The following ADAM22 variants were observed in gnomAD, a reference collection of about 807,000 sequenced individuals.
ADAM22 encodes ADAM metallopeptidase domain 22, also known as disintegrin and metalloproteinase domain-containing protein 22.
ADAM22 carries 65 observed loss-of-function variants against 144.6 expected under a neutral mutation model. The observed-to-expected ratio is 0.45, with a 90% CI of 0.37 to 0.55. The LOEUF is 0.55. Ranked by LOEUF, ADAM22 falls within the 20% of genes least tolerant of loss-of-function variation. ADAM22 has a pLI of 0.00. For synonymous variants in ADAM22, 391 were observed against 412.6 expected (o/e 0.95, Z 0.63); for missense variants, 974 against 1,184.9 (o/e 0.82, Z 2.61).
At chr7:88,145,379 G>A (rs370413960) in intron 16 of ADAM22, 36 bp from the exon 17 acceptor site, 411 of 1,561,900 alleles carry the variant, frequency 2.6e-4, no homozygotes, top group Non-Finnish European at 3.3e-4. Context: ...AAGTGACACC[G>A]TTTTCTGATG....
chr7:87,972,399 G>C (rs1273900722), intron 2 of ADAM22, among the ~76,000 whole-genome samples: 3 of 151,828 alleles, frequency 2.0e-5, no homozygotes, highest in Non-Finnish European at 4.4e-5. Flanking sequence ...CCTCTTCAAG[G>C]AGAACTACAA....
intron 4 of ADAM22, among the ~76,000 whole-genome samples, chr7:88,077,208 A>C (rs1398834725): frequency 6.6e-6 from 1 of 152,212 alleles, no homozygotes. Flanking sequence ...TTAAACTGTT[A>C]TCAGTAACCA....
In ADAM22 at chr7:88,196,463, T is replaced by C; in HGVS notation, c.2875-8T>C. On this transcript the variant is annotated splice_polypyrimidine_tract_variant and splice_region_variant and intron_variant, in intron 31 of 31. Coordinates refer to ENST00000413139, the MANE Select transcript of ADAM22 (RefSeq NM_001324418.2). Reference sequence around the variant, plus strand: ...CAATGTGCAATTTTGCTCTTTTCTGTTGTGCAGCTATGGGAGACATCCATT... The same window carrying C: ...CAATGTGCAATTTTGCTCTTTTCTGCTGTGCAGCTATGGGAGACATCCATT... 6.2e-7 allele frequency: 1 copy of C among 1,614,142 alleles called. No individual in the cohort carries two copies. The highest frequency in any genetic ancestry group is 2.2e-5 in the East Asian group (1 of 44,864).
Position 88,131,393 on chromosome 7 carries a change from G to A in ADAM22, c.950G>A (p.Arg317Lys), listed in dbSNP as rs1195117407. 6 of 1,613,684 alleles carry A rather than the reference G, an allele frequency of 3.7e-6. No homozygotes were observed. The highest frequency in any genetic ancestry group is 4.2e-6 in the Non-Finnish European group (5 of 1,179,814). The part of the protein sequence containing the change: ...ITLREFMKYR[R>K]DFIKEKSDAV... ...CTACGTGAGTTTATGAAATACAGGA[G>A]GGATTTTATCAAAGAGAAAAGTGAT... The change falls in exon 11 of 32, where the codon AGG (arginine) becomes AAG (lysine). Residue 317 changes from arginine (R) to lysine (K), a missense_variant. Coordinates refer to ENST00000413139, the MANE Select transcript of ADAM22 (RefSeq NM_001324418.2).
intron 3 of ADAM22, among the ~76,000 whole-genome samples, chr7:87,980,796 C>T (rs1213042217): frequency 2.0e-5 from 3 of 151,840 alleles, no homozygotes; most frequent in Non-Finnish European, 1.5e-5. Context: ...TCTTTTTTGT[C>T]AAAATTATCA....
intron 14 of ADAM22, among the ~76,000 whole-genome samples, chr7:88,140,085 A>G (rs1285844702): frequency 6.6e-6 from 1 of 152,080 alleles, no homozygotes; most frequent in East Asian, 1.9e-4. Flanking sequence ...GAGAGGGAGC[A>G]GGGGAGAAGG....
chr7:88,168,565 TTCAAACA>T (rs1843459798), intron 25 of ADAM22, among the ~76,000 whole-genome samples: 1 of 152,168 alleles, frequency 6.6e-6, no homozygotes, highest in African/African-American at 2.4e-5. Context: ...AGTAAAGGCC[TTCAAACA>T]TTGTAAACTT....
At chr7:88,109,719 G>C (rs1825496352) in intron 5 of ADAM22, among the ~76,000 whole-genome samples, 1 of 147,260 alleles carries the variant, frequency 6.8e-6, no homozygotes, top group African/African-American at 2.5e-5. Flanking sequence ...CTTTTTTTTT[G>C]AGAGAGAGAG....
At chr7:88,185,364 C>T (rs983679945) in intron 29 of ADAM22, among the ~76,000 whole-genome samples, 7 of 152,022 alleles carry the variant, frequency 4.6e-5, no homozygotes, top group Non-Finnish European at 7.4e-5. Flanking sequence ...GAAAAAATAA[C>T]CTGATATTTT....
intron 2 of ADAM22, among the ~76,000 whole-genome samples, chr7:87,950,984 T>C (rs976485603): frequency 1.3e-5 from 2 of 152,052 alleles, no homozygotes; most frequent in Admixed American, 6.6e-5. Flanking sequence ...TTTGATGGGG[T>C]TGTTTGTTTT....
At chr7:88,181,427 T>G (rs1846992848) in intron 27 of ADAM22, 78 bp from the exon 28 acceptor site, 5 of 1,168,412 alleles carry the variant, frequency 4.3e-6, no homozygotes, top group East Asian at 4.9e-5. Flanking sequence ...ACAGTAATGC[T>G]TAGAAGTTTT....
At chr7:88,063,671 A>T (rs1810469782) in intron 3 of ADAM22, among the ~76,000 whole-genome samples, 1 of 152,212 alleles carries the variant, frequency 6.6e-6, no homozygotes, top group South Asian at 2.1e-4. Flanking sequence ...TACAATTTTG[A>T]TGTTTTAGAA....
intron 7 of ADAM22, among the ~76,000 whole-genome samples, chr7:88,119,364 C>T (rs1828648806): frequency 6.6e-6 from 1 of 152,216 alleles, no homozygotes; most frequent in South Asian, 2.1e-4. Flanking sequence ...GAACTTTATA[C>T]AGATGGAATC....
intron 24 of ADAM22, among the ~76,000 whole-genome samples, chr7:88,166,586 C>A (rs1431248333): frequency 6.6e-6 from 1 of 152,038 alleles, no homozygotes; most frequent in East Asian, 1.9e-4. Flanking sequence ...ATTGAGTATT[C>A]TTTTATACAA....
chr7:88,168,806 A>G (rs575910508), intron 25 of ADAM22, among the ~76,000 whole-genome samples: 1 of 152,234 alleles, frequency 6.6e-6, no homozygotes, highest in East Asian at 1.9e-4. Flanking sequence ...ATCCTTGATG[A>G]TGATGTTCCA....
Position 88,163,159 on chromosome 7 carries a change from C to T in ADAM22, c.2055C>T (p.Gly685=), listed in dbSNP as rs746927909. The T allele has an allele frequency of 8.7e-6, 14 of 1,606,156 alleles. No homozygotes were observed. The highest frequency in any genetic ancestry group is 1.2e-5 in the Non-Finnish European group (14 of 1,177,206). The stretch of plus-strand genomic sequence containing the variant: ...GTACTTGCTTGAGCAGTAAAGAAGG[C>T]ACTATTTGCTCAGGAAATGGAGTAA... ...NFSTCLSSKE[G]TICSGNGVCS... is the part of the protein sequence containing the mutation. Residue 685 remains glycine, a synonymous_variant, in exon 23 of 32, where the codon GGC becomes GGT. Coordinates refer to ENST00000413139, the MANE Select transcript of ADAM22 (RefSeq NM_001324418.2).
chr7:88,145,333 A>C (rs983209937), intron 16 of ADAM22, 82 bp from the exon 17 acceptor site: 2 of 1,490,790 alleles, frequency 1.3e-6, no homozygotes, highest in African/African-American at 1.4e-5. Context: ...GTGAGTTTGT[A>C]CATTTATTTT....
chr7:88,200,847 A>T lies in ADAM22; in HGVS notation c.*4356A>T, dbSNP rs1851152836. The stretch of plus-strand genomic sequence containing the variant: ...AGCAACTTTTCTCCTGGCATGGAAG[A>T]ACTAAGGACTTTGATAAACAGTTTC... On this transcript the variant is annotated 3_prime_UTR_variant, in exon 32 of 32. Coordinates refer to ENST00000413139, the MANE Select transcript of ADAM22 (RefSeq NM_001324418.2). 6.6e-6 allele frequency: 1 copy of T among 152,264 alleles called. No homozygotes were observed. The highest frequency in any genetic ancestry group is 6.5e-5 in the Admixed American group (1 of 15,284). 9.4% of individuals were successfully genotyped at this position (152,264 alleles called of 1,614,324 possible).
At chr7:88,089,348 T>C (rs1432110137) in intron 4 of ADAM22, among the ~76,000 whole-genome samples, 3 of 152,160 alleles carry the variant, frequency 2.0e-5, no homozygotes, top group Admixed American at 1.3e-4. Flanking sequence ...TACCCTTGCA[T>C]CAATGATGAA....
Sources: allele counts gnomAD v4.1 joint callset (sites outside exome capture counted in the v4.1 genomes callset), GRCh38; gene constraint gnomAD v4.1.1; transcripts MANE v1.5; gene names NCBI Gene and HGNC (gene_info 2026-07-23, HGNC 2026-07-21).